The following TOP6BL variants were observed in gnomAD, a reference collection of about 807,000 sequenced individuals.
TOP6BL encodes the protein TOP6B like initiator of meiotic double strand breaks, also known as type 2 DNA topoisomerase 6 subunit B-like.
the TOP6BL span, among the ~76,000 whole-genome samples, chr11:66,832,923 G>A: frequency 6.6e-6 from 1 of 151,440 alleles, no homozygotes; most frequent in African/African-American, 2.4e-5. Flanking sequence ...GTGCTTCCTT[G>A]TCTTGCCTCT....
At chr11:66,820,124 A>C in the TOP6BL span, among the ~76,000 whole-genome samples, 1 of 152,176 alleles carries the variant, frequency 6.6e-6, no homozygotes, top group African/African-American at 2.4e-5. Flanking sequence ...CTGTGAGAGC[A>C]GGTGGTATAA....
At chr11:66,813,980 G>A in the TOP6BL span, 16 of 1,613,736 alleles carry the variant, frequency 9.9e-6, no homozygotes, top group African/African-American at 1.7e-4. Flanking sequence ...TACCATTTGT[G>A]TATGATACCC....
At chr11:66,746,939 G>GT in the TOP6BL span, among the ~76,000 whole-genome samples, 133 of 147,288 alleles carry the variant, frequency 9.0e-4, no homozygotes, top group Middle Eastern at 3.5e-3. Context: ...GAATAAATGT[G>GT]TTTTTTTTTT....
chr11:66,803,592 C>T, the TOP6BL span, among the ~76,000 whole-genome samples: 1 of 152,128 alleles, frequency 6.6e-6, no homozygotes, highest in African/African-American at 2.4e-5. Context: ...TCATGCACAG[C>T]TATTGTATCT....
chr11:66,753,893 CAG>C, the TOP6BL span, among the ~76,000 whole-genome samples: 1 of 152,062 alleles, frequency 6.6e-6, no homozygotes, highest in Admixed American at 6.6e-5. Context: ...TTAGTAGAGA[CAG>C]AGTTTCACCA....
the TOP6BL span, among the ~76,000 whole-genome samples, chr11:66,830,873 ACCTTACCATAATAT>A: frequency 1.3e-5 from 2 of 152,218 alleles, no homozygotes; most frequent in Non-Finnish European, 2.9e-5. Context: ...ATGTTTAAAA[ACCTTACCATAATAT>A]CCTCAATATA....
chr11:66,790,279 A>AG, the TOP6BL span, among the ~76,000 whole-genome samples: 1 of 152,136 alleles, frequency 6.6e-6, no homozygotes. Context: ...AAAAAAAAAA[A>AG]AGATATGTTA....
At chr11:66,753,702 G>C in the TOP6BL span, among the ~76,000 whole-genome samples, 2 of 151,384 alleles carry the variant, frequency 1.3e-5, no homozygotes, top group Non-Finnish European at 1.5e-5. Flanking sequence ...CACCGCGCCC[G>C]GCCATGTTTT....
At chr11:66,799,816 A>C in the TOP6BL span, among the ~76,000 whole-genome samples, 1 of 151,676 alleles carries the variant, frequency 6.6e-6, no homozygotes. Context: ...ATGATGGCTC[A>C]TTCCTATAAT....
the TOP6BL span, among the ~76,000 whole-genome samples, chr11:66,819,795 C>T: frequency 3.3e-5 from 5 of 151,564 alleles, no homozygotes; most frequent in Admixed American, 1.3e-4. Context: ...CCCAGCTACT[C>T]GGGAGGCTGA....
the TOP6BL span, chr11:66,761,505 A>G: frequency 1.5e-6 from 1 of 656,720 alleles, no homozygotes; most frequent in Non-Finnish European, 2.3e-6. Context: ...GCACATGTCT[A>G]GCTTCATAGT....
At chr11:66,810,291 C>T in the TOP6BL span, among the ~76,000 whole-genome samples, 1 of 152,092 alleles carries the variant, frequency 6.6e-6, no homozygotes, top group Non-Finnish European at 1.5e-5. Context: ...TGTTGCCAGA[C>T]GGAATTCTGA....
chr11:66,811,715 C>T, the TOP6BL span, among the ~76,000 whole-genome samples: 7 of 152,104 alleles, frequency 4.6e-5, no homozygotes, highest in African/African-American at 1.7e-4. Context: ...ACTAATAAAG[C>T]CTGGCAATCC....
At chr11:66,797,422 C>T in the TOP6BL span, among the ~76,000 whole-genome samples, 2 of 152,138 alleles carry the variant, frequency 1.3e-5, no homozygotes, top group Non-Finnish European at 2.9e-5. Context: ...CCTCTTCCCT[C>T]CTCTGTGCTT....
chr11:66,773,655 G>C, the TOP6BL span, among the ~76,000 whole-genome samples: 5 of 152,038 alleles, frequency 3.3e-5, no homozygotes, highest in Non-Finnish European at 7.4e-5. Flanking sequence ...TTGCTCTTCT[G>C]TTTCTAGTTT....
the TOP6BL span, among the ~76,000 whole-genome samples, chr11:66,831,304 A>G: frequency 6.6e-6 from 1 of 152,230 alleles, no homozygotes; most frequent in Admixed American, 6.5e-5. Flanking sequence ...AGAATCATAC[A>G]CAAATCTTCA....
At chr11:66,764,785 C>T in the TOP6BL span, among the ~76,000 whole-genome samples, 14 of 151,714 alleles carry the variant, frequency 9.2e-5, no homozygotes, top group African/African-American at 2.4e-4. Context: ...CATGATGAAA[C>T]CCCATCTCTA....
chr11:66,751,829 T>G, the TOP6BL span, among the ~76,000 whole-genome samples: 2 of 152,188 alleles, frequency 1.3e-5, no homozygotes, highest in African/African-American at 4.8e-5. Flanking sequence ...TAGAAAACTA[T>G]GATTACTTTT....
At chr11:66,746,085 G>C in the TOP6BL span, among the ~76,000 whole-genome samples, 1 of 152,140 alleles carries the variant, frequency 6.6e-6, no homozygotes, top group African/African-American at 2.4e-5. Context: ...TGCTGGGACC[G>C]GCGTGAGCCA....
Sources: allele counts gnomAD v4.1 joint callset (sites outside exome capture counted in the v4.1 genomes callset), GRCh38; gene constraint gnomAD v4.1.1; transcripts MANE v1.5; gene names NCBI Gene and HGNC (gene_info 2026-07-23, HGNC 2026-07-21).